NOCT: variants seen among roughly 807,000 people sequenced by gnomAD.
NOCT encodes the protein nocturnin.
In NOCT, 18 loss-of-function variants were observed where a neutral mutation model predicts 35.0. The observed-to-expected ratio is 0.51, with a 90% CI of 0.36 to 0.76. The LOEUF (loss-of-function observed/expected upper bound fraction) is 0.76. NOCT is among the 30% of genes least tolerant of loss of function. The pLI is 0.01. For missense variants in NOCT, 479 were observed against 541.0 expected, an observed-to-expected ratio of 0.89 and a Z score of 1.14; for synonymous variants, 235 against 226.3, an observed-to-expected ratio of 1.04 and a Z score of -0.34.
chr4:139,016,641 GTTTTTTTTTT>G (rs10541748), intron 1 of NOCT, among the ~76,000 whole-genome samples: 2 of 53,786 alleles, frequency 3.7e-5, no homozygotes, highest in Non-Finnish European at 6.4e-5. Context: ...GTTTTACGTT[GTTTTTTTTTT>G]TTTTTTTTTT....
At chr4:139,028,510 C>A (rs775012498) in intron 1 of NOCT, among the ~76,000 whole-genome samples, 1 of 152,202 alleles carries the variant, frequency 6.6e-6, no homozygotes, top group Non-Finnish European at 1.5e-5. Flanking sequence ...TGTGTGTGTG[C>A]TGTGACGACA....
intron 1 of NOCT, among the ~76,000 whole-genome samples, chr4:139,033,856 A>C (rs1726669934): frequency 6.6e-6 from 1 of 151,750 alleles, no homozygotes; most frequent in Non-Finnish European, 1.5e-5. Flanking sequence ...TGCCCTAGCC[A>C]CAGGCACATG....
chr4:139,026,341 TC>T (rs997399923), intron 1 of NOCT, among the ~76,000 whole-genome samples: 4 of 152,120 alleles, frequency 2.6e-5, no homozygotes, highest in African/African-American at 9.7e-5. Flanking sequence ...CCTCTGGTGA[TC>T]CACCCATCCC....
chr4:139,043,097 A>C lies in NOCT; in HGVS notation c.214A>C (p.Ser72Arg). 6.2e-7 allele frequency: 1 copy of C among 1,605,418 alleles called. No individual in the cohort carries two copies. Among genetic ancestry groups the C allele is most frequent in the Non-Finnish European group, 8.5e-7 (1 of 1,172,722 alleles). ...RTVCSMGTGT[S>R]RLYSALAKTL... ...AGTGTGTTCCATGGGAACCGGTACA[A>C]GCAGACTCTATAGTGCTCTCGCCAA... Residue 72 changes from serine to arginine, a missense_variant, in exon 2 of 3, where the codon AGC becomes CGC. Around this residue, in one of 2 missense-constraint regions of NOCT, gnomAD observed 265 missense variants for 257.0 expected, o/e 1.03. Coordinates refer to ENST00000280614, the MANE Select transcript of NOCT (RefSeq NM_012118.4).
At position 139,015,904 on chromosome 4, in the gene NOCT, C is replaced by A; in HGVS notation, c.-78C>A. ...CCGCCCACACTGCCCGGACAGTCGG[C>A]TCGACTCGGTGCCCTCGGCCCCAGC... On this transcript the variant is annotated 5_prime_UTR_variant, in exon 1 of 3. Transcript: ENST00000280614. The A allele has an allele frequency of 8.6e-7, 1 of 1,164,402 alleles. No homozygotes were observed. The highest frequency in any genetic ancestry group is 1.1e-6 in the Non-Finnish European group (1 of 914,506). The allele number at this position is 1,164,402 out of a possible 1,614,324, so 72.1% of individuals were successfully genotyped here.
At chr4:139,023,676 T>C (rs1726462327) in intron 1 of NOCT, among the ~76,000 whole-genome samples, 2 of 152,226 alleles carry the variant, frequency 1.3e-5, no homozygotes, top group African/African-American at 4.8e-5. Context: ...TTTTGTATTT[T>C]TAGTAGAGAC....
Position 139,045,523 on chromosome 4 carries a change from T to TTTC in NOCT, c.*51_*52insCTT. 9.3e-7 allele frequency: 1 copy of TTTC among 1,072,840 alleles called. No homozygotes were observed. Among genetic ancestry groups the TTTC allele is most frequent in the East Asian group, 2.5e-5 (1 of 39,636 alleles). The allele number at this position is 1,072,840 out of a possible 1,614,324, so 66.5% of individuals were successfully genotyped here. A position where few individuals can be genotyped will look rare whatever the true frequency, so the allele number is the denominator to read the frequency against. On this transcript the variant is annotated 3_prime_UTR_variant, in exon 3 of 3. Transcript: ENST00000280614. ...CACAGGAGTCTATTTTTTTTTTTTT[T>TTTC]TTTTTTTTTTTGAGACAGAGTCTCG...
At chr4:139,043,980 G>GTATGTATATATA (rs1553947370) in intron 2 of NOCT, 1 of 135,388 alleles carries the variant, frequency 7.4e-6, no homozygotes, top group Non-Finnish European at 1.6e-5. Flanking sequence ...AAAAAAATAT[G>GTATGTATATATA]TATATATATA....
intron 1 of NOCT, among the ~76,000 whole-genome samples, chr4:139,034,065 T>C (rs1485244896): frequency 6.6e-6 from 1 of 152,036 alleles, no homozygotes. Context: ...ACTGAAAATA[T>C]AGTTAAAGTT....
intron 1 of NOCT, among the ~76,000 whole-genome samples, chr4:139,022,361 A>G (rs1240053955): frequency 1.3e-5 from 2 of 152,204 alleles, no homozygotes; most frequent in African/African-American, 2.4e-5. Flanking sequence ...AGTGTCAGGT[A>G]TGTGGGCAAC....
In NOCT at chr4:139,015,792, A is replaced by G; in HGVS notation, c.-190A>G. ...CCAGGTCTCACAGCAGACGGTGCCGACGCAGCGGTGTTGCACCTCCCTCTC... is the reference window on the plus strand; with the variant it reads ...CCAGGTCTCACAGCAGACGGTGCCGGCGCAGCGGTGTTGCACCTCCCTCTC... On this transcript the variant is annotated 5_prime_UTR_variant, in exon 1 of 3. Coordinates refer to ENST00000280614, the MANE Select transcript of NOCT (RefSeq NM_012118.4). 1 of 387,434 alleles carries G rather than the reference A, an allele frequency of 2.6e-6. No homozygotes were observed. The highest frequency in any genetic ancestry group is 4.3e-6 in the Non-Finnish European group (1 of 229,990). 24.0% of individuals were successfully genotyped at this position (387,434 alleles called of 1,614,324 possible).
rs777805750 is a variant in NOCT at position 139,044,678 on chromosome 4, T to C, written c.500T>C (p.Val167Ala). 3.1e-6 allele frequency: 5 copies of C among 1,614,134 alleles called. No homozygotes were observed. Among genetic ancestry groups the C allele is most frequent in the Middle Eastern group, 3.3e-4 (2 of 6,058 alleles). Residue 167 changes from valine to alanine, a missense_variant, in exon 3 of 3, where the codon GTT becomes GCT. Physicochemically the swap from Val to Ala is moderately conservative, Grantham distance 64 (BLOSUM62 0). This residue lies in a region of NOCT where 265 missense variants were observed against 257.0 expected (regional missense o/e 1.03). Coordinates refer to ENST00000280614, the MANE Select transcript of NOCT (RefSeq NM_012118.4). Reference sequence around the variant, plus strand: ...AAAGACAACTTTGTACAGTGCCCTGTTGAAGCACTCAAATGGGAAGAAAGG... The same window carrying C: ...AAAGACAACTTTGTACAGTGCCCTGCTGAAGCACTCAAATGGGAAGAAAGG... ...EGKDNFVQCP[V>A]EALKWEERKC...
intron 1 of NOCT, among the ~76,000 whole-genome samples, chr4:139,035,745 T>C (rs1376978219): frequency 2.6e-5 from 4 of 152,224 alleles, no homozygotes; most frequent in Non-Finnish European, 5.9e-5. Flanking sequence ...AAAGTCTAGA[T>C]AGACCAGCAA....
rs1270389086 is a variant in NOCT at position 139,016,108 on chromosome 4, TC to T, written c.133del (p.Arg45GlyfsTer38). Reference sequence around the variant, plus strand: ...GCCGGCTGCTGTTCCCAGGCCCGCATCCCCCCGGCTGCTGGCGGCGGCCTCG... The same window carrying T: ...GCCGGCTGCTGTTCCCAGGCCCGCATCCCCCGGCTGCTGGCGGCGGCCTCG... ...SPPAAVPRPA[S>X]PRLLAAASAA... On this transcript the variant is annotated frameshift_variant, in exon 1 of 3. Transcript: ENST00000280614. LOFTEE classifies it high-confidence loss of function. 3.3e-5 allele frequency: 43 copies of T among 1,319,592 alleles called. No homozygotes were observed. The highest frequency in any genetic ancestry group is 1.9e-4 in the Admixed American group (6 of 31,664). The allele number at this position is 1,319,592 out of a possible 1,614,324, so 81.7% of individuals were successfully genotyped here. A position where few individuals can be genotyped will look rare whatever the true frequency, so the allele number is the denominator to read the frequency against.
chr4:139,028,675 T>G (rs1369355666), intron 1 of NOCT, among the ~76,000 whole-genome samples: 1 of 152,200 alleles, frequency 6.6e-6, no homozygotes, highest in Non-Finnish European at 1.5e-5. Flanking sequence ...CGAGCAGCAG[T>G]CCAAGGTGCA....
chr4:139,036,239 CT>C lies in NOCT; in HGVS notation c.191-6827del, dbSNP rs1191719827. ...TCTGGTACACGGTAGGCACTAAAAC[CT>C]TTTTTTTCCTAGAGAGATATTTAAT... is the stretch of plus-strand genomic sequence containing the variant. On this transcript the variant is annotated intron_variant, in intron 1 of 2. Transcript: ENST00000280614. Among the ~76,000 whole-genome samples, 15 of 151,962 alleles carry C rather than the reference CT, an allele frequency of 9.9e-5. No homozygotes were observed. In the South Asian group the frequency reaches 2.5e-3, roughly 25 times the overall value.
intron 1 of NOCT, among the ~76,000 whole-genome samples, chr4:139,026,819 T>A (rs918811567): frequency 6.6e-6 from 1 of 152,036 alleles, no homozygotes; most frequent in Non-Finnish European, 1.5e-5. Context: ...CCCAAAGTGT[T>A]GGAATTACAG....
chr4:139,022,519 G>C (rs905864129), intron 1 of NOCT, among the ~76,000 whole-genome samples: 1 of 152,166 alleles, frequency 6.6e-6, no homozygotes, highest in African/African-American at 2.4e-5. Flanking sequence ...TGGGGCCTGA[G>C]CATCTGCTGA....
At chr4:139,033,507 C>CA (rs941823656) in intron 1 of NOCT, among the ~76,000 whole-genome samples, 33 of 148,828 alleles carry the variant, frequency 2.2e-4, no homozygotes, top group East Asian at 1.2e-3. Flanking sequence ...CCTGTCTCTA[C>CA]AAAAAAAAAA....
Sources: allele counts gnomAD v4.1 joint callset (sites outside exome capture counted in the v4.1 genomes callset), GRCh38; gene constraint gnomAD v4.1.1; regional missense constraint gnomAD v4.1.1; transcripts MANE v1.5; gene names NCBI Gene and HGNC (gene_info 2026-07-23, HGNC 2026-07-21).